Variants in FRMD3 observed in about 807,000 individuals in gnomAD.
FRMD3 encodes FERM domain containing 3.
Under a neutral mutation model 70.2 loss-of-function variants are expected in FRMD3, and 33 were observed. The observed-to-expected ratio is 0.47, with a 90% confidence interval of 0.36 to 0.63. The LOEUF (loss-of-function observed/expected upper bound fraction) is 0.63. Among genes scored for constraint, FRMD3 ranks in the 20% least tolerant of loss-of-function variants. The pLI, the probability that FRMD3 is intolerant of heterozygous loss-of-function variation, is 0.00. For synonymous variants in FRMD3, 279 were observed against 255.9 expected, an observed-to-expected ratio of 1.09 and a Z score of -0.86; for missense variants, 632 against 711.4, an observed-to-expected ratio of 0.89 and a Z score of 1.27.
In FRMD3 at chr9:83,438,407, GTTTTT is replaced by G. The variant is rs5898830; in HGVS notation, c.148-48704_148-48700del. Among the ~76,000 whole-genome samples the G allele has an allele frequency of 6.4e-5, 6 of 93,034 alleles. No individual in the cohort carries two copies. The East Asian group carries it at 1.6e-3, about 25-fold the overall frequency. 61.0% of individuals were successfully genotyped at this position (93,034 alleles called of 152,430 possible). A position where few individuals can be genotyped will look rare whatever the true frequency, so the allele number is the denominator to read the frequency against. On this transcript the variant is annotated intron_variant, in intron 1 of 13. Coordinates refer to ENST00000304195, the MANE Select transcript of FRMD3 (RefSeq NM_174938.6). ...CCCACTCTACCTGTCTCAGAAGAGAGTTTTTTTTTTGTTTTGTTTTGTTTTGTTTT... is the reference window on the plus strand; with the variant it reads ...CCCACTCTACCTGTCTCAGAAGAGAGTTTTTGTTTTGTTTTGTTTTGTTTT...
At chr9:83,382,327 G>A (rs1825382715) in intron 2 of FRMD3, among the ~76,000 whole-genome samples, 1 of 152,122 alleles carries the variant, frequency 6.6e-6, no homozygotes. Flanking sequence ...GTGCAGGATT[G>A]TTACATAGGT....
rs942058978 is a variant in FRMD3, at chr9:83,537,870, C to T, written c.147+215G>A. ...CACGCGAGGGGAAGGAGACTGGGCG[C>T]GGATAACGCGTGCCTGGCGCTTGCA... On this transcript the variant is annotated intron_variant, in intron 1 of 13. Coordinates refer to ENST00000304195, the MANE Select transcript of FRMD3 (RefSeq NM_174938.6). The surrounding 1 kb of genome is among the most constrained non-coding windows in gnomAD (Gnocchi z 4.1). Among the ~76,000 whole-genome samples, 3 of 151,774 alleles carry T rather than the reference C, an allele frequency of 2.0e-5. No individual in the cohort carries two copies. The highest frequency in any genetic ancestry group is 7.3e-5 in the African/African-American group (3 of 41,298).
the FRMD3 span, among the ~76,000 whole-genome samples, chr9:83,573,778 C>A: frequency 3.3e-5 from 5 of 151,704 alleles, no homozygotes; most frequent in Admixed American, 6.6e-5. Flanking sequence ...TCCCCCTGAC[C>A]CCCCACCTTG....
chr9:83,389,523 G>A (rs1393411819), intron 2 of FRMD3, 81 bp downstream of exon 2: 3 of 887,506 alleles, frequency 3.4e-6, no homozygotes, highest in Non-Finnish European at 5.7e-6. Context: ...GGCATCACTA[G>A]GGCTTTGAGA....
chr9:83,357,339 G>A (rs913571780), intron 3 of FRMD3, among the ~76,000 whole-genome samples: 1 of 140,476 alleles, frequency 7.1e-6, no homozygotes, highest in African/African-American at 2.6e-5. Flanking sequence ...GGGCATTTGG[G>A]CTGGTTCCAT....
chr9:83,555,670 T>C, the FRMD3 span, among the ~76,000 whole-genome samples: 1 of 152,184 alleles, frequency 6.6e-6, no homozygotes, highest in Admixed American at 6.5e-5. Flanking sequence ...TTCAGCCTCT[T>C]TCCTATGGGT....
At chr9:83,458,060 G>C (rs1054502293) in intron 1 of FRMD3, among the ~76,000 whole-genome samples, 9 of 149,928 alleles carry the variant, frequency 6.0e-5, no homozygotes, top group African/African-American at 2.2e-4. Context: ...ACAGGGCTTG[G>C]CTCAAGTGAA....
In FRMD3 at chr9:83,446,603, C is replaced by T. The variant is rs892290467; in HGVS notation, c.148-56895G>A. Among the ~76,000 whole-genome samples the T allele has an allele frequency of 7.5e-5, 11 of 146,420 alleles. No individual in the cohort carries two copies. The East Asian group carries it at 8.1e-4, about 11-fold the overall frequency. ...CAGAGCTTGCAGTGAGCCGAGATCG[C>T]GCCACTGCACTCCAGCCTGGGCGAC... is the stretch of plus-strand genomic sequence containing the variant. On this transcript the variant is annotated intron_variant, in intron 1 of 13. Transcript: ENST00000304195.
chr9:83,569,937 T>TA, the FRMD3 span, among the ~76,000 whole-genome samples: 2 of 152,196 alleles, frequency 1.3e-5, no homozygotes, highest in Non-Finnish European at 2.9e-5. Flanking sequence ...TTGAAGGCAT[T>TA]TCAGCACAGA....
chr9:83,349,657 CAT>C lies in FRMD3; in HGVS notation c.374+20_374+21del. On this transcript the variant is annotated intron_variant, in intron 4 of 13. Coordinates refer to ENST00000304195, the MANE Select transcript of FRMD3 (RefSeq NM_174938.6). ...TGGCTGGTTAAAGGTGCACGTTAAA[CAT>C]ACAAACAAACAAAAAATACCTTGTG... 6.4e-7 allele frequency: 1 copy of C among 1,573,538 alleles called. No homozygotes were observed. The highest frequency in any genetic ancestry group is 1.7e-5 in the Admixed American group (1 of 59,168).
chr9:83,573,988 T>C, the FRMD3 span, among the ~76,000 whole-genome samples: 1 of 152,158 alleles, frequency 6.6e-6, no homozygotes, highest in Non-Finnish European at 1.5e-5. Context: ...TTCTAAAAAA[T>C]AGCAAGGCTA....
intron 1 of FRMD3, among the ~76,000 whole-genome samples, chr9:83,395,517 G>T (rs182995291): frequency 6.6e-6 from 1 of 152,002 alleles, no homozygotes; most frequent in Admixed American, 6.5e-5. Context: ...CATGTCTGTT[G>T]TTCCCCTCTT....
the FRMD3 span, among the ~76,000 whole-genome samples, chr9:83,550,708 G>GTGTGTGTGTGTGTC: frequency 9.9e-5 from 15 of 151,246 alleles, no homozygotes; most frequent in African/African-American, 3.6e-4. Flanking sequence ...GTGTGTGTGT[G>GTGTGTGTGTGTGTC]TGTGTGTGTG....
chr9:83,267,004 A>G, intron 13 of FRMD3: 3 of 1,550,608 alleles, frequency 1.9e-6, no homozygotes, highest in Non-Finnish European at 2.6e-6. Context: ...CCAGGGCACC[A>G]CACATACCAG....
At chr9:83,469,661 C>T (rs769261683) in intron 1 of FRMD3, among the ~76,000 whole-genome samples, 2 of 152,030 alleles carry the variant, frequency 1.3e-5, no homozygotes, top group South Asian at 2.1e-4. Context: ...AGAGCAACAA[C>T]GTCCTTTTTT....
chr9:83,580,378 CAG>C, the FRMD3 span, among the ~76,000 whole-genome samples: 1 of 151,964 alleles, frequency 6.6e-6, no homozygotes, highest in Non-Finnish European at 1.5e-5. Flanking sequence ...TGTTCACTAA[CAG>C]ATAAATGAAT....
At chr9:83,283,383 T>G (rs1484011299) in intron 13 of FRMD3, among the ~76,000 whole-genome samples, 1 of 151,772 alleles carries the variant, frequency 6.6e-6, no homozygotes. Context: ...ACAAAAAAAT[T>G]AGCCAGGCGT....
At chr9:83,389,382 G>T (rs1396106713) in intron 2 of FRMD3, among the ~76,000 whole-genome samples, 1 of 152,156 alleles carries the variant, frequency 6.6e-6, no homozygotes, top group Non-Finnish European at 1.5e-5. Flanking sequence ...CTTCTAAGCA[G>T]ATGGGAGCAG....
intron 1 of FRMD3, among the ~76,000 whole-genome samples, chr9:83,447,490 G>C (rs1194352724): frequency 6.6e-6 from 1 of 152,172 alleles, no homozygotes; most frequent in African/African-American, 2.4e-5. Flanking sequence ...CCTTTCAGAG[G>C]AGCCAGGCTG....
Sources: gnomAD v4.1 joint callset for allele counts (sites outside exome capture counted in the v4.1 genomes callset) on GRCh38, gnomAD v4.1.1 for gene constraint, Gnocchi (gnomAD v3.1) non-coding constraint, MANE v1.5 for transcripts, NCBI Gene and HGNC (gene_info 2026-07-23, HGNC 2026-07-21) for gene names.